The following QSER1 variants were observed in gnomAD, a reference collection of about 807,000 sequenced individuals.
The protein encoded by QSER1 is glutamine and serine-rich protein 1.
Under a neutral mutation model 158.5 loss-of-function variants are expected in QSER1, and 49 were observed. That is an observed-to-expected ratio of 0.31 (90% CI 0.25 to 0.39). The LOEUF is 0.39. Among genes scored for constraint, QSER1 ranks in the 10% least tolerant of loss-of-function variants. The pLI is 1.00. For missense variants in QSER1, 1,754 were observed against 2,010.3 expected, an observed-to-expected ratio of 0.87 and a Z score of 2.44; for synonymous variants, 650 against 715.5, an observed-to-expected ratio of 0.91 and a Z score of 1.46.
chr11:32,927,439 G>A (rs1419642242), intron 2 of QSER1, among the ~76,000 whole-genome samples, 170 bp downstream of exon 2: 1 of 152,154 alleles, frequency 6.6e-6, no homozygotes, highest in Non-Finnish European at 1.5e-5. Context: ...ATGGAGTCTC[G>A]CTCTGTCGGC....
chr11:32,935,553 T>C, intron 4 of QSER1, 118 bp downstream of exon 4: 1 of 738,330 alleles, frequency 1.4e-6, no homozygotes. Context: ...CAGGACAAAA[T>C]GTATAGGTAG....
intron 1 of QSER1, among the ~76,000 whole-genome samples, chr11:32,902,647 C>A (rs28438992): frequency 0.017 from 2,594 of 152,230 alleles, 70 homozygotes; most frequent in African/African-American, 0.059. Flanking sequence ...AGGAGTCTGA[C>A]TGGACATGTG....
At chr11:32,911,093 T>C (rs1644666145) in intron 1 of QSER1, among the ~76,000 whole-genome samples, 1 of 152,250 alleles carries the variant, frequency 6.6e-6, no homozygotes, top group South Asian at 2.1e-4. Context: ...TTCTTGAAAC[T>C]TACAGTTCCT....
intron 1 of QSER1, among the ~76,000 whole-genome samples, chr11:32,919,642 C>T (rs961315058): frequency 2.0e-5 from 3 of 152,002 alleles, no homozygotes; most frequent in Admixed American, 6.5e-5. Context: ...TCTTTTTTTC[C>T]TCCTTTCAAT....
chr11:32,910,427 T>C (rs1439395964), intron 1 of QSER1, among the ~76,000 whole-genome samples: 1 of 152,242 alleles, frequency 6.6e-6, no homozygotes, highest in Non-Finnish European at 1.5e-5. Flanking sequence ...ACATAATATC[T>C]AATATTTGTT....
intron 4 of QSER1, among the ~76,000 whole-genome samples, chr11:32,952,885 C>G (rs1030809916): frequency 1.2e-4 from 17 of 145,584 alleles, no homozygotes; most frequent in African/African-American, 4.0e-4. Context: ...TCACTGCAAT[C>G]TCTGCCTCCC....
intron 2 of QSER1, among the ~76,000 whole-genome samples, chr11:32,927,490 C>G (rs1851988065): frequency 6.6e-6 from 1 of 152,138 alleles, no homozygotes. Flanking sequence ...TGACTGCAAC[C>G]TCCACCTCCC....
At chr11:32,894,248 G>T (rs1420580208) in intron 1 of QSER1, among the ~76,000 whole-genome samples, 1 of 152,172 alleles carries the variant, frequency 6.6e-6, no homozygotes, top group Non-Finnish European at 1.5e-5. Context: ...AAGCTCGCGG[G>T]AAATGTGTAG....
At chr11:32,944,260 T>G (rs1224724410) in intron 4 of QSER1, among the ~76,000 whole-genome samples, 2 of 147,852 alleles carry the variant, frequency 1.4e-5, no homozygotes, top group Non-Finnish European at 3.0e-5. Context: ...ATTTTAGTTA[T>G]TTCTTGCCTT....
At chr11:32,951,249 A>G (rs1852416457) in intron 4 of QSER1, among the ~76,000 whole-genome samples, 2 of 152,216 alleles carry the variant, frequency 1.3e-5, no homozygotes, top group Non-Finnish European at 2.9e-5. Flanking sequence ...GCTCATAAGT[A>G]TAGGAGTTTC....
Position 32,893,630 on chromosome 11 carries a change from C to T in QSER1, c.209+296C>T, listed in dbSNP as rs1395158158. Among the ~76,000 whole-genome samples the T allele has an allele frequency of 3.9e-5, 6 of 152,108 alleles. No homozygotes were observed. The highest frequency in any genetic ancestry group is 2.0e-4 in the Admixed American group (3 of 15,278). On this transcript the variant is annotated intron_variant, in intron 1 of 12. Coordinates refer to ENST00000650167, the MANE Select transcript of QSER1 (RefSeq NM_001076786.3). This position sits in a 1 kb window ranked among gnomAD's most constrained non-coding sequence, Gnocchi z 4.7. Reference sequence around the variant, plus strand: ...GCTCTCACATGGTGAAGTTTGGGCTCGTGGCTGAACTCGGGATCTGTGAGA... The same window carrying T: ...GCTCTCACATGGTGAAGTTTGGGCTTGTGGCTGAACTCGGGATCTGTGAGA...
At chr11:32,926,538 T>C (rs919755305) in intron 1 of QSER1, among the ~76,000 whole-genome samples, 1 of 152,204 alleles carries the variant, frequency 6.6e-6, no homozygotes, top group Non-Finnish European at 1.5e-5. Context: ...GTTCATTGTA[T>C]TTTTGATTTC....
At chr11:32,954,910 CTG>C (rs1852485930) in intron 5 of QSER1, among the ~76,000 whole-genome samples, 1 of 152,178 alleles carries the variant, frequency 6.6e-6, no homozygotes, top group Non-Finnish European at 1.5e-5. Flanking sequence ...ATTCAAGTGT[CTG>C]TATTCTCACT....
Position 32,935,351 on chromosome 11 carries a change from C to T in QSER1, c.4093C>T (p.Pro1365Ser), listed in dbSNP as rs762187036. ...TTCATTTTCTTCTGATGAAGATGAT[C>T]CTGGATATAGTCAAGATGCTTATAA... The part of the protein sequence containing the change: ...LSSFSSDEDD[P>S]GYSQDAYKSV... The change falls in exon 4 of 13, where the codon CCT becomes TCT. Residue 1365 changes from proline to serine, a missense_variant. By Grantham distance (74) the Pro-to-Ser change is moderately conservative. Coordinates refer to ENST00000650167, the MANE Select transcript of QSER1 (RefSeq NM_001076786.3). The T allele has an allele frequency of 5.6e-6, 9 of 1,611,966 alleles. No individual in the cohort carries two copies. The African/African-American group carries it at 1.1e-4, about 19-fold the overall frequency.
chr11:32,942,191 A>T (rs1382989850), intron 4 of QSER1, among the ~76,000 whole-genome samples: 2 of 125,514 alleles, frequency 1.6e-5, no homozygotes, highest in Non-Finnish European at 3.3e-5. Flanking sequence ...TTGTCTGTTC[A>T]CTGTGATGGT....
At chr11:32,965,717 C>T (rs1381090224) in intron 8 of QSER1, among the ~76,000 whole-genome samples, 4 of 152,036 alleles carry the variant, frequency 2.6e-5, no homozygotes, top group Non-Finnish European at 5.9e-5. Context: ...TAGGCTGAGG[C>T]AGGCAGATCA....
chr11:32,967,114 G>A (rs1386347330), intron 9 of QSER1, among the ~76,000 whole-genome samples: 1 of 152,104 alleles, frequency 6.6e-6, no homozygotes, highest in Non-Finnish European at 1.5e-5. Flanking sequence ...GCCGATGAGT[G>A]AATAAAGAAA....
intron 1 of QSER1, among the ~76,000 whole-genome samples, chr11:32,912,558 A>T (rs1851780332): frequency 6.6e-6 from 1 of 152,056 alleles, no homozygotes; most frequent in Non-Finnish European, 1.5e-5. Flanking sequence ...GGAGATCTGG[A>T]TGTATATAGT....
intron 1 of QSER1, among the ~76,000 whole-genome samples, chr11:32,898,115 C>T (rs1851578551): frequency 6.6e-6 from 1 of 152,172 alleles, no homozygotes; most frequent in Non-Finnish European, 1.5e-5. Context: ...CACAGATCTA[C>T]AAGTTTGCTC....
Sources: allele counts gnomAD v4.1 joint callset (sites outside exome capture counted in the v4.1 genomes callset), GRCh38; gene constraint gnomAD v4.1.1; non-coding constraint Gnocchi (gnomAD v3.1); transcripts MANE v1.5; gene names NCBI Gene and HGNC (gene_info 2026-07-23, HGNC 2026-07-21).